POLQ: variants seen among roughly 807,000 people sequenced by gnomAD.
POLQ encodes the protein DNA polymerase theta.
A neutral mutation model predicts 259.2 loss-of-function variants in POLQ; 233 were observed. The observed-to-expected ratio is 0.90, with a 90% CI of 0.81 to 1.00. The LOEUF (loss-of-function observed/expected upper bound fraction) is 1.00, where lower values mean the gene tolerates loss of function less well. Ranked by LOEUF, POLQ falls within the 50% of genes least tolerant of loss-of-function variation. The pLI is 0.00. For synonymous variants in POLQ, 1,025 were observed against 1,048.8 expected (o/e 0.98, Z 0.44); for missense variants, 2,871 against 3,051.6 (o/e 0.94, Z 1.39).
At chr3:121,510,765 A>G (rs1195141091) in intron 10 of POLQ, among the ~76,000 whole-genome samples, 2 of 152,026 alleles carry the variant, frequency 1.3e-5, no homozygotes, top group South Asian at 2.1e-4. Context: ...AGTTCTCCTT[A>G]AAGTAGATAA....
At chr3:121,531,119 G>A (rs1215632705) in intron 6 of POLQ, among the ~76,000 whole-genome samples, 2 of 152,168 alleles carry the variant, frequency 1.3e-5, no homozygotes, top group Admixed American at 6.5e-5. Flanking sequence ...CCCGGGAGGC[G>A]GAGGTTGCGG....
chr3:121,514,263 G>A, intron 9 of POLQ, among the ~76,000 whole-genome samples: 1 of 150,940 alleles, frequency 6.6e-6, no homozygotes, highest in Non-Finnish European at 1.5e-5. Context: ...AGGAGGTGGA[G>A]GTTGCAGTGA....
rs2048276384 is a variant in POLQ, at chr3:121,514,030, A to G, written c.1469-2001T>C. Among the ~76,000 whole-genome samples, 7 of 145,530 alleles carry G rather than the reference A, an allele frequency of 4.8e-5. No homozygotes were observed. The South Asian group carries it at 1.5e-3, about 32-fold the overall frequency. On this transcript the variant is annotated intron_variant, in intron 9 of 29. Transcript: ENST00000264233. ...AGAGTGAAACTCCATCTCAAAAAAA[A>G]AAAAAAAAAAAAAAGAGGCCAGGCA...
chr3:121,517,791 TA>T (rs1352916852), intron 9 of POLQ, among the ~76,000 whole-genome samples: 15 of 152,208 alleles, frequency 9.9e-5, no homozygotes, highest in African/African-American at 2.9e-4. Context: ...AATAGAAGAC[TA>T]GGTCCCCGAC....
intron 6 of POLQ, among the ~76,000 whole-genome samples, chr3:121,532,439 T>C (rs1432797756): frequency 6.6e-6 from 1 of 152,176 alleles, no homozygotes; most frequent in East Asian, 1.9e-4. Flanking sequence ...ATATTATATA[T>C]CAGGAAACAA....
intron 25 of POLQ, among the ~76,000 whole-genome samples, chr3:121,459,369 A>ATGTTTTTTTT (rs778778631): frequency 9.5e-6 from 1 of 104,736 alleles, no homozygotes; most frequent in African/African-American, 3.5e-5. Flanking sequence ...GACTAGAAAG[A>ATGTTTTTTTT]TTTTTTTTTT....
chr3:121,486,925 GA>G (rs1399348399), intron 16 of POLQ, among the ~76,000 whole-genome samples: 1 of 147,620 alleles, frequency 6.8e-6, no homozygotes, highest in Non-Finnish European at 1.5e-5. Flanking sequence ...GAGAGAGAAA[GA>G]AAAGAAAAGA....
At position 121,508,638 on chromosome 3, in the gene POLQ, C is replaced by T. The variant is rs374815140; in HGVS notation, c.1959+923G>A. Among the ~76,000 whole-genome samples the T allele has an allele frequency of 5.3e-5, 8 of 152,210 alleles. 1 individual carries two copies. In the East Asian group the frequency reaches 1.2e-3, roughly 22 times the overall value. The stretch of plus-strand genomic sequence containing the variant: ...TTCCTCCCAGCCACATTCTTGGGCA[C>T]AGACCTTTGAGCCTATTATCACCCA... On this transcript the variant is annotated intron_variant, in intron 12 of 29. Transcript: ENST00000264233.
intron 15 of POLQ, among the ~76,000 whole-genome samples, 180 bp downstream of exon 15, chr3:121,493,298 A>G (rs547736547): frequency 3.2e-4 from 48 of 152,052 alleles, no homozygotes; most frequent in Non-Finnish European, 6.6e-4. Context: ...GTGAGACTTC[A>G]TCTCAAAAAA....
intron 9 of POLQ, among the ~76,000 whole-genome samples, chr3:121,513,868 C>T (rs933671448): frequency 1.3e-5 from 2 of 150,940 alleles, no homozygotes; most frequent in African/African-American, 4.9e-5. Flanking sequence ...ACTAGAAATA[C>T]AAAATTAGCC....
At chr3:121,482,609 TGG>T (rs34808945) in intron 18 of POLQ, among the ~76,000 whole-genome samples, 1 of 151,334 alleles carries the variant, frequency 6.6e-6, no homozygotes, top group African/African-American at 2.4e-5. Context: ...CCCCTCAGAA[TGG>T]GGGGGGTCTG....
At chr3:121,538,508 T>C (rs1373357924) in intron 4 of POLQ, among the ~76,000 whole-genome samples, 2 of 151,898 alleles carry the variant, frequency 1.3e-5, no homozygotes, top group Non-Finnish European at 1.5e-5. Flanking sequence ...ACACATGATG[T>C]TCTTTTTCCT....
chr3:121,532,986 T>G lies in POLQ; in HGVS notation c.960+4A>C, dbSNP rs768362757. ...ATAGTAGTGATGTACATATATTGAT[T>G]TACCTTCACTTGTAGCATGGGCTCA... On this transcript the variant is annotated splice_donor_region_variant and intron_variant, in intron 6 of 29. Transcript: ENST00000264233. 6.4e-7 allele frequency: 1 copy of G among 1,566,302 alleles called. No homozygotes were observed. Among genetic ancestry groups the G allele is most frequent in the Non-Finnish European group, 8.7e-7 (1 of 1,143,018 alleles).
At chr3:121,435,049 A>G (rs991486998) in intron 28 of POLQ, among the ~76,000 whole-genome samples, 8 of 152,266 alleles carry the variant, frequency 5.3e-5, no homozygotes, top group Non-Finnish European at 7.4e-5. Flanking sequence ...CTGTAATCCC[A>G]GCTACTCAGG....
At chr3:121,474,535 A>G (rs2047910910) in intron 20 of POLQ, among the ~76,000 whole-genome samples, 1 of 152,238 alleles carries the variant, frequency 6.6e-6, no homozygotes, top group Admixed American at 6.5e-5. Flanking sequence ...TTTCCCAGTA[A>G]TAATTCTAAA....
At chr3:121,451,819 C>T (rs530096659) in intron 25 of POLQ, among the ~76,000 whole-genome samples, 239 of 152,282 alleles carry the variant, frequency 1.6e-3, no homozygotes, top group Non-Finnish European at 2.5e-3. Flanking sequence ...CAAAGCTGTC[C>T]GATGGGACAT....
intron 9 of POLQ, among the ~76,000 whole-genome samples, chr3:121,513,600 C>CAAAA (rs59962408): frequency 5.8e-5 from 3 of 51,544 alleles, no homozygotes; most frequent in African/African-American, 8.6e-5. Context: ...GACTCTATCT[C>CAAAA]AAAAAAAAAA....
chr3:121,493,679 A>G lies in POLQ; in HGVS notation c.2321T>C (p.Met774Thr). 3 of 1,613,834 alleles carry G rather than the reference A, an allele frequency of 1.9e-6. No homozygotes were observed. The highest frequency in any genetic ancestry group is 2.5e-6 in the Non-Finnish European group (3 of 1,179,690). ...VFSNRLGWHN[M>T]ELLLSQFQKR... ...CTGAAATTGGGAAAGTAGTAGTTCCATGTTGTGCCAGCCCAGACGGTTGGA... is the reference window on the plus strand; with the variant it reads ...CTGAAATTGGGAAAGTAGTAGTTCCGTGTTGTGCCAGCCCAGACGGTTGGA... Residue 774 changes from methionine to threonine, a missense_variant, in exon 15 of 30, where the codon ATG becomes ACG. By Grantham distance (81) the Met-to-Thr change is moderately conservative. Transcript: ENST00000264233.
intron 19 of POLQ, 37 bp downstream of exon 19, chr3:121,481,535 A>G: frequency 6.5e-7 from 1 of 1,544,862 alleles, no homozygotes; most frequent in Non-Finnish European, 8.7e-7. Flanking sequence ...TCTATCTCTA[A>G]TCTATAACAT....
Sources: allele counts gnomAD v4.1 joint callset (sites outside exome capture counted in the v4.1 genomes callset), GRCh38; gene constraint gnomAD v4.1.1; transcripts MANE v1.5; gene names NCBI Gene and HGNC (gene_info 2026-07-23, HGNC 2026-07-21).